GSK3B: variants seen among roughly 807,000 people sequenced by gnomAD.
GSK3B encodes the protein glycogen synthase kinase 3 beta.
A neutral mutation model predicts 56.4 loss-of-function variants in GSK3B; 15 were observed. The observed-to-expected ratio is 0.27, with a 90% CI of 0.18 to 0.41. The LOEUF (loss-of-function observed/expected upper bound fraction) is 0.41. Among genes scored for constraint, GSK3B ranks in the 10% least tolerant of loss-of-function variants. GSK3B has a pLI of 1.00. For synonymous variants in GSK3B, 181 were observed against 188.9 expected (o/e 0.96, Z 0.34); for missense variants, 300 against 513.4 (o/e 0.58, Z 4.02).
rs771012517 is a variant in GSK3B, at chr3:119,972,686, C to T, written c.283-25335G>A. 5.9e-5 allele frequency among the ~76,000 whole-genome samples: 9 copies of T among 152,120 alleles called. 1 individual carries two copies. Among genetic ancestry groups the T allele is most frequent in the Admixed American group, 3.3e-4 (5 of 15,268 alleles). On this transcript the variant is annotated intron_variant, in intron 2 of 10. Coordinates refer to ENST00000264235, the MANE Select transcript of GSK3B (RefSeq NM_001146156.2). ...TCCTGACCTCGTGATCCACCTGCCT[C>T]GGCCTCCCAAAGCGCTGGAATTACA...
chr3:119,992,801 T>A (rs1388534201), intron 2 of GSK3B, among the ~76,000 whole-genome samples: 3 of 151,726 alleles, frequency 2.0e-5, no homozygotes, highest in Non-Finnish European at 4.4e-5. Flanking sequence ...CAAAAACAAA[T>A]AAAATGGACC....
chr3:120,000,532 T>A (rs1215523476), intron 2 of GSK3B, among the ~76,000 whole-genome samples: 1 of 152,178 alleles, frequency 6.6e-6, no homozygotes, highest in East Asian at 1.9e-4. Context: ...CTTCTTCTTG[T>A]TATATCCCTT....
At chr3:120,084,078 C>T (rs990197284) in intron 1 of GSK3B, among the ~76,000 whole-genome samples, 25 of 152,152 alleles carry the variant, frequency 1.6e-4, no homozygotes, top group Admixed American at 9.2e-4. Flanking sequence ...AGTCTATGAA[C>T]ACCTGAGTAA....
chr3:120,062,712 G>C (rs1385740574), intron 1 of GSK3B, among the ~76,000 whole-genome samples: 1 of 152,220 alleles, frequency 6.6e-6, no homozygotes, highest in Non-Finnish European at 1.5e-5. Context: ...AACAAGATCA[G>C]AAGGCTTTTC....
At chr3:120,049,609 T>C (rs1185872410) in intron 1 of GSK3B, among the ~76,000 whole-genome samples, 1 of 152,162 alleles carries the variant, frequency 6.6e-6, no homozygotes, top group Non-Finnish European at 1.5e-5. Context: ...GCCAAAGATC[T>C]TACACCATGA....
intron 7 of GSK3B, among the ~76,000 whole-genome samples, chr3:119,899,544 T>C (rs1291910450): frequency 6.6e-6 from 1 of 152,150 alleles, no homozygotes; most frequent in African/African-American, 2.4e-5. Flanking sequence ...CGTAGAACTC[T>C]GAGGAGCCAG....
chr3:120,068,243 T>C (rs1191293103), intron 1 of GSK3B, among the ~76,000 whole-genome samples: 1 of 151,596 alleles, frequency 6.6e-6, no homozygotes, highest in Non-Finnish European at 1.5e-5. Flanking sequence ...ATACAAAAAT[T>C]AGCCAGACAT....
At chr3:119,893,521 A>G (rs2056528089) in intron 7 of GSK3B, among the ~76,000 whole-genome samples, 2 of 152,286 alleles carry the variant, frequency 1.3e-5, no homozygotes, top group Admixed American at 1.3e-4. Context: ...TTAAAGCCCC[A>G]TTAAGAACTT....
intron 2 of GSK3B, among the ~76,000 whole-genome samples, chr3:119,971,002 C>A (rs2057361762): frequency 1.3e-5 from 2 of 152,088 alleles, no homozygotes; most frequent in African/African-American, 4.8e-5. Flanking sequence ...TTTAAAATAA[C>A]TGCATAGATT....
intron 2 of GSK3B, among the ~76,000 whole-genome samples, chr3:119,964,065 A>G (rs2057298016): frequency 6.6e-6 from 1 of 152,224 alleles, no homozygotes; most frequent in African/African-American, 2.4e-5. Context: ...CAGAGTAAGA[A>G]GGCAGCCTAT....
intron 2 of GSK3B, among the ~76,000 whole-genome samples, chr3:119,987,223 T>C (rs534761907): frequency 1.8e-4 from 28 of 152,292 alleles, no homozygotes; most frequent in African/African-American, 6.7e-4. Context: ...AAATACCTAA[T>C]GTAAATGATG....
chr3:119,835,663 CCTG>C (rs1210142449), intron 10 of GSK3B, among the ~76,000 whole-genome samples: 3 of 151,964 alleles, frequency 2.0e-5, no homozygotes, highest in South Asian at 2.1e-4. Context: ...GACAAAAATG[CCTG>C]CTTTTTTGTT....
intron 6 of GSK3B, among the ~76,000 whole-genome samples, chr3:119,906,469 C>A (rs115871117): frequency 6.6e-6 from 1 of 151,782 alleles, no homozygotes; most frequent in Non-Finnish European, 1.5e-5. Flanking sequence ...AACCTCAATC[C>A]GGAGAGAAAA....
intron 3 of GSK3B, among the ~76,000 whole-genome samples, chr3:119,940,110 T>TGTGTGTGTGTGTGTGTGTGTGTG (rs572334273): frequency 6.7e-6 from 1 of 148,944 alleles, no homozygotes; most frequent in African/African-American, 2.5e-5. Context: ...GTGTGTGTGT[T>TGTGTGTGTGTGTGTGTGTGTGTG]TGTGTGTGTG....
chr3:119,922,015 T>TA lies in GSK3B; in HGVS notation c.477+1357dup, dbSNP rs571631766. Among the ~76,000 whole-genome samples, 10 of 152,004 alleles carry TA rather than the reference T, an allele frequency of 6.6e-5. No individual in the cohort carries two copies. In the South Asian group the frequency reaches 2.1e-3, roughly 32 times the overall value. On this transcript the variant is annotated intron_variant, in intron 4 of 10. Transcript: ENST00000264235. ...AGCTGGGCATGGTCGCGTGTGCCTG[T>TA]AATCCCAGCTACTTGGGAGGCTGAG...
At chr3:119,977,357 C>CG (rs1414301979) in intron 2 of GSK3B, among the ~76,000 whole-genome samples, 1 of 152,148 alleles carries the variant, frequency 6.6e-6, no homozygotes, top group African/African-American at 2.4e-5. Context: ...CATTCTCTTG[C>CG]TGGGGACAGG....
intron 7 of GSK3B, among the ~76,000 whole-genome samples, chr3:119,900,300 C>T (rs1444834461): frequency 6.6e-6 from 1 of 152,028 alleles, no homozygotes; most frequent in Non-Finnish European, 1.5e-5. Flanking sequence ...TGTCCTAAAA[C>T]TCTTCTATTC....
chr3:120,021,645 TAGAA>T (rs2057879210), intron 1 of GSK3B, among the ~76,000 whole-genome samples: 1 of 151,964 alleles, frequency 6.6e-6, no homozygotes, highest in African/African-American at 2.4e-5. Context: ...GTGGTAGAAA[TAGAA>T]AGAGAACCAG....
chr3:120,089,526 A>G (rs1184136271), intron 1 of GSK3B, among the ~76,000 whole-genome samples: 1 of 152,212 alleles, frequency 6.6e-6, no homozygotes, highest in East Asian at 1.9e-4. Flanking sequence ...GGCTTTAATC[A>G]CCATACGACG....
Sources: gnomAD v4.1 joint callset for allele counts (sites outside exome capture counted in the v4.1 genomes callset) on GRCh38, gnomAD v4.1.1 for gene constraint, MANE v1.5 for transcripts, NCBI Gene and HGNC (gene_info 2026-07-23, HGNC 2026-07-21) for gene names.